Variants in WWP1 observed in about 807,000 individuals in gnomAD.
WWP1 encodes the protein NEDD4-like E3 ubiquitin-protein ligase WWP1.
Under a neutral mutation model 130.6 loss-of-function variants are expected in WWP1, and 49 were observed. The observed-to-expected ratio is 0.38, with a 90% confidence interval of 0.30 to 0.48. The LOEUF (loss-of-function observed/expected upper bound fraction) is 0.48. Ranked by LOEUF, WWP1 falls within the 20% of genes least tolerant of loss-of-function variation. The pLI, the probability that WWP1 is intolerant of heterozygous loss-of-function variation, is 0.99. For synonymous variants in WWP1, 332 were observed against 367.8 expected, an observed-to-expected ratio of 0.90 and a Z score of 1.11; for missense variants, 809 against 1,100.6, an observed-to-expected ratio of 0.74 and a Z score of 3.75.
chr8:86,455,079 G>A (rs189643113), intron 21 of WWP1, among the ~76,000 whole-genome samples: 21 of 151,948 alleles, frequency 1.4e-4, no homozygotes, highest in African/African-American at 4.1e-4. Flanking sequence ...TAGTCACACC[G>A]CCCTTTTATA....
intron 8 of WWP1, among the ~76,000 whole-genome samples, chr8:86,411,138 G>A (rs895035511): frequency 2.6e-4 from 39 of 152,216 alleles, no homozygotes; most frequent in African/African-American, 9.1e-4. Context: ...AAAACAGTTC[G>A]TTTGATGTTA....
intron 5 of WWP1, among the ~76,000 whole-genome samples, chr8:86,390,658 C>G (rs577631561): frequency 4.8e-5 from 7 of 146,628 alleles, no homozygotes; most frequent in South Asian, 2.3e-4. Context: ...AGTCCAGCCT[C>G]GGCTCAGCAT....
intron 2 of WWP1, among the ~76,000 whole-genome samples, chr8:86,369,920 A>G (rs916379474): frequency 1.3e-5 from 2 of 152,216 alleles, no homozygotes; most frequent in African/African-American, 4.8e-5. Context: ...AAAAAAACCC[A>G]TGTAATTTGA....
chr8:86,371,068 A>C (rs1824271533), intron 2 of WWP1, among the ~76,000 whole-genome samples: 1 of 141,026 alleles, frequency 7.1e-6, no homozygotes, highest in African/African-American at 2.7e-5. Flanking sequence ...GGTAGAGGCG[A>C]GGCTTCACCA....
At chr8:86,443,234 G>A (rs753443447) in intron 18 of WWP1, among the ~76,000 whole-genome samples, 30 of 151,984 alleles carry the variant, frequency 2.0e-4, no homozygotes, top group Admixed American at 6.6e-4. Flanking sequence ...CACCATGCCA[G>A]CTAATTTTTT....
intron 14 of WWP1, 68 bp downstream of exon 14, chr8:86,431,811 T>C (rs1040397514): frequency 1.9e-5 from 30 of 1,584,464 alleles, no homozygotes; most frequent in Middle Eastern, 3.4e-4. Context: ...GTCTCTAATT[T>C]ATCCTCAAGT....
intron 5 of WWP1, among the ~76,000 whole-genome samples, chr8:86,389,438 A>T (rs1825486463): frequency 6.6e-6 from 1 of 152,204 alleles, no homozygotes; most frequent in Non-Finnish European, 1.5e-5. Context: ...CCCTGAGTGG[A>T]TACAGCACAT....
At chr8:86,396,461 T>TTTTG (rs762669912) in intron 5 of WWP1, among the ~76,000 whole-genome samples, 1 of 152,060 alleles carries the variant, frequency 6.6e-6, no homozygotes, top group East Asian at 1.9e-4. Context: ...GTTGTTTGTT[T>TTTTG]TTTGTTTGTT....
intron 8 of WWP1, among the ~76,000 whole-genome samples, chr8:86,403,978 A>T (rs1808142191): frequency 6.6e-6 from 1 of 152,236 alleles, no homozygotes; most frequent in Non-Finnish European, 1.5e-5. Context: ...TGGATTATTC[A>T]GATTATTTCT....
chr8:86,381,603 A>G lies in WWP1; in HGVS notation c.308A>G (p.Gln103Arg). The G allele has an allele frequency of 6.2e-7, 1 of 1,608,030 alleles. No individual in the cohort carries two copies. ...LLGKATIDLK[Q>R]ALLIHNRKLE... is the part of the protein sequence containing the mutation. ...GGAAAAGCAACGATAGATTTGAAAC[A>G]AGCTCTGTTGATACACAATAGAAAA... Residue 103 changes from glutamine (Q) to arginine (R), a missense_variant, in exon 5 of 25, where the codon CAA becomes CGA. Physicochemically the swap from Gln to Arg is conservative, Grantham distance 43. Coordinates refer to ENST00000517970, the MANE Select transcript of WWP1 (RefSeq NM_007013.4).
At chr8:86,427,022 G>A (rs1809663650) in intron 10 of WWP1, among the ~76,000 whole-genome samples, 1 of 152,090 alleles carries the variant, frequency 6.6e-6, no homozygotes, top group African/African-American at 2.4e-5. Flanking sequence ...AATTAGCTGG[G>A]CATGGTGGTC....
intron 16 of WWP1, among the ~76,000 whole-genome samples, chr8:86,436,333 C>A (rs892789205): frequency 2.0e-5 from 3 of 152,086 alleles, no homozygotes; most frequent in Non-Finnish European, 4.4e-5. Context: ...TACTGTATTC[C>A]ATTTGAGAAT....
chr8:86,352,635 C>T (rs1426948590), intron 1 of WWP1, among the ~76,000 whole-genome samples: 1 of 152,110 alleles, frequency 6.6e-6, no homozygotes, highest in African/African-American at 2.4e-5. Context: ...TCCCAATGTG[C>T]TGGGATTAAA....
At chr8:86,370,345 G>A (rs1184680799) in intron 2 of WWP1, among the ~76,000 whole-genome samples, 1 of 152,192 alleles carries the variant, frequency 6.6e-6, no homozygotes, top group Non-Finnish European at 1.5e-5. Context: ...GAAAATAATT[G>A]TGGAGACTTA....
chr8:86,380,135 G>A (rs1221279368), intron 3 of WWP1, among the ~76,000 whole-genome samples: 5 of 152,180 alleles, frequency 3.3e-5, no homozygotes, highest in Admixed American at 6.5e-5. Context: ...TAGATAAAAT[G>A]TCATATACCC....
intron 9 of WWP1, among the ~76,000 whole-genome samples, chr8:86,420,027 C>T (rs1050280170): frequency 6.6e-6 from 1 of 152,150 alleles, no homozygotes; most frequent in Non-Finnish European, 1.5e-5. Flanking sequence ...TATGCATATC[C>T]TAGGTTTCCA....
intron 1 of WWP1, among the ~76,000 whole-genome samples, chr8:86,353,390 A>G (rs1234630630): frequency 2.0e-5 from 3 of 152,084 alleles, no homozygotes; most frequent in Admixed American, 1.3e-4. Context: ...ATAGGTTGCT[A>G]TGTTAGTAAT....
chr8:86,432,756 C>T (rs1016784227), intron 14 of WWP1, among the ~76,000 whole-genome samples: 11 of 151,936 alleles, frequency 7.2e-5, no homozygotes, highest in East Asian at 3.9e-4. Flanking sequence ...TACAGGCACC[C>T]GCCACCACAC....
chr8:86,430,309 G>A (rs977689855), intron 11 of WWP1, among the ~76,000 whole-genome samples: 8 of 151,924 alleles, frequency 5.3e-5, no homozygotes, highest in Admixed American at 3.3e-4. Flanking sequence ...ACAGCTTCTC[G>A]CTCTGTTGTG....
Sources: allele counts gnomAD v4.1 joint callset (sites outside exome capture counted in the v4.1 genomes callset), GRCh38; gene constraint gnomAD v4.1.1; transcripts MANE v1.5; gene names NCBI Gene and HGNC (gene_info 2026-07-23, HGNC 2026-07-21).